TCP11L1: variants seen among roughly 807,000 people sequenced by gnomAD.
TCP11L1 encodes T-complex protein 11-like protein 1.
Under a neutral mutation model 48.9 loss-of-function variants are expected in TCP11L1, and 28 were observed. That is an observed-to-expected ratio of 0.57 (90% CI 0.42 to 0.78). TCP11L1 has a LOEUF of 0.78. Ranked by LOEUF, TCP11L1 falls within the 30% of genes least tolerant of loss-of-function variation. The probability of loss-of-function intolerance (pLI) is 0.00; values close to 1 mark genes in which losing one functional copy is unlikely to be tolerated. For missense variants in TCP11L1, 505 were observed against 613.4 expected (o/e 0.82, Z 1.87); for synonymous variants, 204 against 231.9 (o/e 0.88, Z 1.09).
At chr11:33,050,246 A>G (rs1854119105) in intron 2 of TCP11L1, among the ~76,000 whole-genome samples, 1 of 152,222 alleles carries the variant, frequency 6.6e-6, no homozygotes, top group South Asian at 2.1e-4. Flanking sequence ...ACTTCTTTCT[A>G]CATAGACACA....
chr11:33,066,149 T>C (rs542485346), intron 8 of TCP11L1, 138 bp downstream of exon 8: 3 of 1,130,056 alleles, frequency 2.7e-6, no homozygotes, highest in African/African-American at 1.6e-5. Flanking sequence ...GCTGTCTCAG[T>C]TGGTTCACTT....
At chr11:33,043,044 T>A (rs1171115532) in intron 1 of TCP11L1, among the ~76,000 whole-genome samples, 4 of 152,180 alleles carry the variant, frequency 2.6e-5, no homozygotes, top group Non-Finnish European at 5.9e-5. Context: ...CCAGCCTGGA[T>A]GAAAGAGCGA....
At chr11:33,070,079 C>G (rs1854733973) in intron 9 of TCP11L1, among the ~76,000 whole-genome samples, 1 of 151,672 alleles carries the variant, frequency 6.6e-6, no homozygotes, top group Admixed American at 6.6e-5. Flanking sequence ...GAGTTCGAGA[C>G]TATCTGGGCA....
At chr11:33,047,672 C>T (rs1214837537) in intron 2 of TCP11L1, among the ~76,000 whole-genome samples, 2 of 152,214 alleles carry the variant, frequency 1.3e-5, no homozygotes, top group African/African-American at 4.8e-5. Context: ...TCTCTGTATT[C>T]AGTCAGTCAA....
intron 6 of TCP11L1, 34 bp from the exon 7 acceptor site, chr11:33,061,496 G>A (rs1402904309): frequency 6.5e-7 from 1 of 1,531,086 alleles, no homozygotes; most frequent in Non-Finnish European, 8.8e-7. Context: ...CCTTCTTGGT[G>A]TCAAGGTAAT....
chr11:33,068,713 C>T lies in TCP11L1; in HGVS notation c.1181C>T (p.Thr394Ile), dbSNP rs534159062. Residue 394 changes from threonine (T) to isoleucine (I), a missense_variant, in exon 9 of 10, where the codon ACT becomes ATT. Physicochemically the swap from Thr to Ile is moderately conservative, Grantham distance 89 (BLOSUM62 -1). Coordinates refer to ENST00000334274, the MANE Select transcript of TCP11L1 (RefSeq NM_018393.4). ...LPSFHLKDVL[T>I]TIGEKVCLEV... ...TCCTTCCATCTGAAGGACGTCCTCA[C>T]TACCATCGGGGAGAAGGTGTGCCTG... The T allele has an allele frequency of 1.9e-6, 3 of 1,614,174 alleles. No homozygotes were observed. The highest frequency in any genetic ancestry group is 2.2e-5 in the South Asian group (2 of 91,084).
At chr11:33,053,657 G>T (rs1168126746) in intron 2 of TCP11L1, among the ~76,000 whole-genome samples, 1 of 152,082 alleles carries the variant, frequency 6.6e-6, no homozygotes, top group East Asian at 1.9e-4. Flanking sequence ...TTGATTCACT[G>T]GATCAGCATT....
chr11:33,057,386 A>T, intron 4 of TCP11L1, 151 bp downstream of exon 4: 1 of 1,319,834 alleles, frequency 7.6e-7, no homozygotes, highest in Non-Finnish European at 1.0e-6. Context: ...TTTTGGCTTA[A>T]TGCCCTTTTT....
chr11:33,057,310 G>C, intron 4 of TCP11L1, 75 bp downstream of exon 4: 1 of 1,593,872 alleles, frequency 6.3e-7, no homozygotes, highest in Non-Finnish European at 8.6e-7. Flanking sequence ...GTCACCACCA[G>C]AAGACTTTAA....
chr11:33,041,890 G>T (rs2133685120), intron 1 of TCP11L1, among the ~76,000 whole-genome samples: 1 of 152,246 alleles, frequency 6.6e-6, no homozygotes, highest in Admixed American at 6.5e-5. Context: ...AACACAGTCT[G>T]CCAAACTCCC....
chr11:33,071,089 C>T lies in TCP11L1; in HGVS notation c.1328-1385C>T, dbSNP rs369258150. On this transcript the variant is annotated intron_variant, in intron 9 of 9. Coordinates refer to ENST00000334274, the MANE Select transcript of TCP11L1 (RefSeq NM_018393.4). ...CAGCACTTTGGGAGGCGGGGGCAGA[C>T]GGATCACTTGAGGTCAGGAATTCAA... Among the ~76,000 whole-genome samples, 13 of 151,534 alleles carry T rather than the reference C, an allele frequency of 8.6e-5. 1 individual carries two copies. The highest frequency in any genetic ancestry group is 6.8e-3 in the Middle Eastern group (2 of 292).
chr11:33,040,384 G>GC (rs1456388328), intron 1 of TCP11L1: 1 of 152,244 alleles, frequency 6.6e-6, no homozygotes, highest in Non-Finnish European at 1.5e-5. Context: ...CCCAAACCGA[G>GC]CAGGTAGGTA....
chr11:33,040,117 C>T (rs2273541), intron 1 of TCP11L1: 60,582 of 150,366 alleles, frequency 0.4, 12,442 homozygotes, highest in African/African-American at 0.46. Context: ...CCCCTTTTTT[C>T]TTTTGCCGAA....
chr11:33,040,240 T>TAAAAA (rs1356905873), intron 1 of TCP11L1: 2 of 152,246 alleles, frequency 1.3e-5, no homozygotes, highest in African/African-American at 4.8e-5. Context: ...GCTCTCTTTT[T>TAAAAA]AGACACAGTG....
chr11:33,071,362 C>T lies in TCP11L1; in HGVS notation c.1328-1112C>T, dbSNP rs528794141. On this transcript the variant is annotated intron_variant, in intron 9 of 9. Transcript: ENST00000334274. Reference sequence around the variant, plus strand: ...TTAGGCCCTGTCCTGTCAGCAGTTTCTGTCTGTGTTGTGAGGCTCAGGAGG... The same window carrying T: ...TTAGGCCCTGTCCTGTCAGCAGTTTTTGTCTGTGTTGTGAGGCTCAGGAGG... Among the ~76,000 whole-genome samples the T allele has an allele frequency of 2.0e-5, 3 of 152,224 alleles. No individual in the cohort carries two copies. The South Asian group carries it at 6.2e-4, about 32-fold the overall frequency.
At chr11:33,061,268 T>C (rs537807908) in intron 6 of TCP11L1, among the ~76,000 whole-genome samples, 1 of 152,316 alleles carries the variant, frequency 6.6e-6, no homozygotes, top group Non-Finnish European at 1.5e-5. Flanking sequence ...TTCATTATCT[T>C]GTTTAATCCT....
chr11:33,056,567 T>TA (rs1416305180), intron 3 of TCP11L1: 1 of 170,356 alleles, frequency 5.9e-6, no homozygotes, highest in Non-Finnish European at 1.3e-5. Flanking sequence ...TTATTATTAT[T>TA]ATTTTATTTT....
At chr11:33,049,947 A>G (rs1854110252) in intron 2 of TCP11L1, among the ~76,000 whole-genome samples, 1 of 152,190 alleles carries the variant, frequency 6.6e-6, no homozygotes, top group African/African-American at 2.4e-5. Context: ...AACCTTGGAC[A>G]ATACCTGGCT....
chr11:33,065,898 G>A lies in TCP11L1; in HGVS notation c.1041G>A (p.Gly347=), dbSNP rs1346290578. ...QLQLEQLTIL[G]AVLLVTFSMA... ...AGCTGGAACAACTGACCATCCTGGG[G>A]GCTGTGTTGCTGGTCACCTTCAGCA... The change falls in exon 8 of 10, where the codon GGG becomes GGA. Residue 347 remains glycine, a synonymous_variant. Transcript: ENST00000334274. 4 of 1,614,202 alleles carry A rather than the reference G, an allele frequency of 2.5e-6. No individual in the cohort carries two copies. The highest frequency in any genetic ancestry group is 2.2e-5 in the East Asian group (1 of 44,892).
Sources: gnomAD v4.1 joint callset for allele counts (sites outside exome capture counted in the v4.1 genomes callset) on GRCh38, gnomAD v4.1.1 for gene constraint, MANE v1.5 for transcripts, NCBI Gene and HGNC (gene_info 2026-07-23, HGNC 2026-07-21) for gene names.